The following XPO1 variants were observed in gnomAD, a reference collection of about 807,000 sequenced individuals.
XPO1 encodes the protein exportin-1.
A neutral mutation model predicts 133.3 loss-of-function variants in XPO1; 5 were observed. The observed-to-expected ratio is 0.04, with a 90% CI of 0.02 to 0.08. XPO1 has a LOEUF of 0.08. XPO1 is among the 10% of genes least tolerant of loss of function. The pLI is 1.00. For synonymous variants in XPO1, 419 were observed against 408.2 expected, an observed-to-expected ratio of 1.03 and a Z score of -0.32; for missense variants, 506 against 1,267.5, an observed-to-expected ratio of 0.40 and a Z score of 9.12.
At chr2:61,530,071 G>C (rs1477498014) in intron 2 of XPO1, among the ~76,000 whole-genome samples, 3 of 152,142 alleles carry the variant, frequency 2.0e-5, no homozygotes, top group African/African-American at 7.2e-5. Context: ...CAGTGTTTTG[G>C]TCTTCTCCCT....
At chr2:61,495,921 A>G (rs1404387388) in intron 10 of XPO1, among the ~76,000 whole-genome samples, 1 of 151,908 alleles carries the variant, frequency 6.6e-6, no homozygotes, top group Non-Finnish European at 1.5e-5. Context: ...CTCCCACCTT[A>G]GCCTCCCAAA....
At chr2:61,491,907 A>T in intron 16 of XPO1, 128 bp downstream of exon 16, 1 of 1,224,272 alleles carries the variant, frequency 8.2e-7, no homozygotes, top group Non-Finnish European at 1.1e-6. Context: ...CTCAAGGAAA[A>T]AAGAAAGAAA....
chr2:61,492,554 A>G lies in XPO1; in HGVS notation c.1566+13T>C. 6.2e-7 allele frequency: 1 copy of G among 1,605,750 alleles called. No individual in the cohort carries two copies. Among genetic ancestry groups the G allele is most frequent in the South Asian group, 1.1e-5 (1 of 89,030 alleles). ...TATTTAGCAATTCTAATTCATACCT[A>G]TCCCTTGCATACCTTTATAACAGTA... On this transcript the variant is annotated intron_variant, in intron 14 of 24. Coordinates refer to ENST00000401558, the MANE Select transcript of XPO1 (RefSeq NM_003400.4). The surrounding 1 kb of genome is among the most constrained non-coding windows in gnomAD (Gnocchi z 5.6).
intron 1 of XPO1, chr2:61,534,152 C>A (rs771492576): frequency 1.3e-5 from 4 of 305,910 alleles, no homozygotes; most frequent in African/African-American, 2.2e-5. Context: ...ACCAGGAAGA[C>A]TTTCCTATTC....
At chr2:61,501,881 A>G (rs553189873) in intron 6 of XPO1, 115 bp downstream of exon 6, 1 of 795,638 alleles carries the variant, frequency 1.3e-6, no homozygotes, top group East Asian at 2.7e-5. Flanking sequence ...TATTATAAGA[A>G]TACTATCACT....
In XPO1 at chr2:61,502,259, G is replaced by C. The variant is rs1481511392; in HGVS notation, c.353C>G (p.Thr118Ser). Reference sequence around the variant, plus strand: ...AAAATAAACTCTTACCTCTACACAAGTTGGGTCAGATGACGTCTTGATAAT... The same window carrying C: ...AAAATAAACTCTTACCTCTACACAACTTGGGTCAGATGACGTCTTGATAAT... The part of the protein sequence containing the change: ...GLIIKTSSDP[T>S]CVEKEKVYIG... Residue 118 changes from threonine (T) to serine (S), a missense_variant, in exon 5 of 25, where the codon ACT becomes AGT. Physicochemically the swap from Thr to Ser is moderately conservative, Grantham distance 58 (BLOSUM62 1). This residue lies in a region of XPO1 where 68 missense variants were observed against 210.5 expected (regional missense o/e 0.32). Transcript: ENST00000401558. 1.2e-6 allele frequency: 2 copies of C among 1,613,232 alleles called. No individual in the cohort carries two copies. The highest frequency in any genetic ancestry group is 1.7e-4 in the Middle Eastern group (1 of 6,050).
At chr2:61,511,048 G>A (rs898090196) in intron 4 of XPO1, among the ~76,000 whole-genome samples, 1 of 152,046 alleles carries the variant, frequency 6.6e-6, no homozygotes, top group Non-Finnish European at 1.5e-5. Flanking sequence ...ACTTGGAATG[G>A]GGCAAATTGT....
At chr2:61,518,724 C>T (rs986047383) in intron 4 of XPO1, among the ~76,000 whole-genome samples, 1 of 152,008 alleles carries the variant, frequency 6.6e-6, no homozygotes, top group Non-Finnish European at 1.5e-5. Context: ...AATAAAGTGA[C>T]TAAAACAGCC....
chr2:61,491,505 C>T (rs1696995509), intron 16 of XPO1, among the ~76,000 whole-genome samples: 1 of 149,506 alleles, frequency 6.7e-6, no homozygotes, highest in African/African-American at 2.5e-5. Context: ...CACCCCAAAA[C>T]AAAACAAAAC....
At chr2:61,485,598 C>T in intron 20 of XPO1, 170 bp downstream of exon 20, 1 of 623,660 alleles carries the variant, frequency 1.6e-6, no homozygotes, top group Non-Finnish European at 2.5e-6. Context: ...GTTTCAAACT[C>T]CTGGGAAGTA....
chr2:61,501,897 T>C, intron 6 of XPO1, 99 bp downstream of exon 6: 1 of 1,003,002 alleles, frequency 1.0e-6, no homozygotes, highest in South Asian at 1.7e-5. Context: ...TCACTACTTC[T>C]GCAAAATATT....
In XPO1 at chr2:61,484,011, G is replaced by T; in HGVS notation, c.2603C>A (p.Pro868His). ...ATCCAAAACAAGTTTAAACTGTGTAGGTGGAATAGCAAGGAATGCTGGGAA... is the reference window on the plus strand; with the variant it reads ...ATCCAAAACAAGTTTAAACTGTGTATGTGGAATAGCAAGGAATGCTGGGAA... ...HCFPAFLAIPPTQFKLVLDSI... is the reference protein window; with the variant it reads ...HCFPAFLAIPHTQFKLVLDSI... Residue 868 changes from proline (P) to histidine (H), a missense_variant, in exon 21 of 25, where the codon CCT (proline) becomes CAT (histidine). Pro to His is a moderately conservative substitution (Grantham distance 77, BLOSUM62 -2). Transcript: ENST00000401558. The T allele has an allele frequency of 6.2e-7, 1 of 1,613,936 alleles. No homozygotes were observed. The highest frequency in any genetic ancestry group is 8.5e-7 in the Non-Finnish European group (1 of 1,179,886).
At chr2:61,519,925 T>C (rs1162501587) in intron 4 of XPO1, among the ~76,000 whole-genome samples, 1 of 152,204 alleles carries the variant, frequency 6.6e-6, no homozygotes, top group Non-Finnish European at 1.5e-5. Context: ...CATCATTCTG[T>C]TCTTTTAGCT....
intron 4 of XPO1, among the ~76,000 whole-genome samples, chr2:61,506,621 T>A (rs1170791380): frequency 1.4e-4 from 13 of 92,270 alleles, no homozygotes; most frequent in African/African-American, 2.5e-4. Flanking sequence ...AAAAATCCAA[T>A]GTTAAACTGC....
At chr2:61,511,067 C>A (rs1465719965) in intron 4 of XPO1, among the ~76,000 whole-genome samples, 2 of 152,034 alleles carry the variant, frequency 1.3e-5, no homozygotes, top group East Asian at 3.9e-4. Flanking sequence ...GTTACATTAA[C>A]CAGAAATGGA....
intron 1 of XPO1, among the ~76,000 whole-genome samples, chr2:61,537,325 G>A (rs930110991): frequency 6.6e-6 from 1 of 151,210 alleles, no homozygotes; most frequent in East Asian, 2.0e-4. Flanking sequence ...CCGCACACGC[G>A]AATGACCCAG....
chr2:61,529,466 G>A (rs1220657617), intron 2 of XPO1, among the ~76,000 whole-genome samples: 5 of 152,110 alleles, frequency 3.3e-5, no homozygotes, highest in African/African-American at 1.2e-4. Flanking sequence ...GACCAGCCTG[G>A]CCAACATGGT....
chr2:61,500,315 T>A (rs938819672), intron 6 of XPO1, among the ~76,000 whole-genome samples: 3 of 151,972 alleles, frequency 2.0e-5, no homozygotes, highest in Non-Finnish European at 4.4e-5. Context: ...GCGTGGTAGC[T>A]CGTGCCTGTA....
chr2:61,531,678 T>C (rs1465522143), intron 2 of XPO1, among the ~76,000 whole-genome samples: 1 of 152,212 alleles, frequency 6.6e-6, no homozygotes, highest in East Asian at 1.9e-4. Flanking sequence ...AATATTACAT[T>C]CAGAGTTGAA....
Sources: gnomAD v4.1 joint callset for allele counts (sites outside exome capture counted in the v4.1 genomes callset) on GRCh38, gnomAD v4.1.1 for gene constraint, gnomAD v4.1.1 regional missense constraint, Gnocchi (gnomAD v3.1) non-coding constraint, MANE v1.5 for transcripts, NCBI Gene and HGNC (gene_info 2026-07-23, HGNC 2026-07-21) for gene names.